The following NSMCE1 variants were observed in gnomAD, a reference collection of about 807,000 sequenced individuals.
The protein encoded by NSMCE1 is NSE1 component of SMC5/6 complex, also known as non-structural maintenance of chromosomes element 1 homolog.
Under a neutral mutation model 29.6 loss-of-function variants are expected in NSMCE1, and 18 were observed. The observed-to-expected ratio is 0.61, with a 90% CI of 0.42 to 0.90. NSMCE1 has a LOEUF of 0.90. NSMCE1 is among the 40% of genes least tolerant of loss of function. The pLI, the probability that NSMCE1 is intolerant of heterozygous loss-of-function variation, is 0.00. For synonymous variants in NSMCE1, 124 were observed against 133.4 expected (o/e 0.93, Z 0.49); for missense variants, 314 against 343.6 (o/e 0.91, Z 0.68).
chr16:27,235,490 C>T (rs7350846), intron 2 of NSMCE1, among the ~76,000 whole-genome samples, 191 bp from the exon 3 acceptor site: 2 of 152,158 alleles, frequency 1.3e-5, no homozygotes, highest in Non-Finnish European at 2.9e-5. Flanking sequence ...GGAAGACAAA[C>T]AGACAACAGA....
intron 3 of NSMCE1, 112 bp from the exon 4 acceptor site, chr16:27,234,377 G>T: frequency 1.3e-6 from 1 of 771,368 alleles, no homozygotes; most frequent in East Asian, 2.5e-5. Context: ...CTGAGCTCCT[G>T]TATCCAGGCA....
At chr16:27,230,008 C>T (rs1171129022) in intron 5 of NSMCE1, among the ~76,000 whole-genome samples, 2 of 152,222 alleles carry the variant, frequency 1.3e-5, no homozygotes, top group East Asian at 1.9e-4. Context: ...TCAAAGACGA[C>T]GACAGCCCAG....
chr16:27,257,626 AAG>A, intron 1 of NSMCE1, 45 bp from the exon 2 acceptor site: 1 of 1,518,324 alleles, frequency 6.6e-7, no homozygotes, highest in African/African-American at 1.4e-5. Context: ...AGCACATCAG[AAG>A]CAACGTCCTG....
In NSMCE1 at chr16:27,235,254, T is replaced by C; in HGVS notation, c.182A>G (p.Asn61Ser). The C allele has an allele frequency of 6.2e-7, 1 of 1,613,562 alleles. No individual in the cohort carries two copies. The highest frequency in any genetic ancestry group is 8.5e-7 in the Non-Finnish European group (1 of 1,179,582). ...DKLEDFINNINSVLESLYIEI... is the reference protein window; with the variant it reads ...DKLEDFINNISSVLESLYIEI... The stretch of plus-strand genomic sequence containing the variant: ...AATATACAAGGACTCCAAGACACTG[T>C]TAATGTTGTTGATGAAGTCCTCCAA... The change falls in exon 3 of 8, where the codon AAC (asparagine) becomes AGC (serine). Residue 61 changes from asparagine (N) to serine (S), a missense_variant. Coordinates refer to ENST00000361439, the MANE Select transcript of NSMCE1 (RefSeq NM_145080.4).
chr16:27,255,630 C>T (rs1187867338), intron 2 of NSMCE1, among the ~76,000 whole-genome samples: 1 of 152,214 alleles, frequency 6.6e-6, no homozygotes, highest in Non-Finnish European at 1.5e-5. Context: ...CTCTGGAGAA[C>T]GCAGATGCTA....
chr16:27,244,365 G>A lies in NSMCE1; in HGVS notation c.137-9066C>T, dbSNP rs527947896. Among the ~76,000 whole-genome samples, 5 of 152,356 alleles carry A rather than the reference G, an allele frequency of 3.3e-5. No individual in the cohort carries two copies. In the South Asian group the frequency reaches 1.0e-3, roughly 32 times the overall value. On this transcript the variant is annotated intron_variant, in intron 2 of 7. Transcript: ENST00000361439. ...CTTTCCCCACTCACTACAGTCTGAA[G>A]CAGACAACAGCCTCCAACATTCTCC...
intron 6 of NSMCE1, 26 bp from the exon 7 acceptor site, chr16:27,225,872 C>G: frequency 1.9e-6 from 3 of 1,612,560 alleles, no homozygotes; most frequent in South Asian, 2.2e-5. Context: ...CCAATGACGG[C>G]GGAGCTGGTG....
At chr16:27,253,003 G>C (rs2084050969) in intron 2 of NSMCE1, among the ~76,000 whole-genome samples, 1 of 152,168 alleles carries the variant, frequency 6.6e-6, no homozygotes. Flanking sequence ...CAGAGGCGTT[G>C]AGACGGTGGT....
chr16:27,225,382 G>A (rs2083677752), intron 7 of NSMCE1, 146 bp from the exon 8 acceptor site: 3 of 636,974 alleles, frequency 4.7e-6, no homozygotes, highest in South Asian at 1.9e-5. Context: ...CCCAGCCCGT[G>A]AGGAAGGCAG....
At chr16:27,265,230 C>CA (rs1257652579) in intron 1 of NSMCE1, among the ~76,000 whole-genome samples, 4 of 130,538 alleles carry the variant, frequency 3.1e-5, no homozygotes, top group African/African-American at 1.1e-4. Flanking sequence ...TGAAGTGACA[C>CA]AGTCATAGCT....
At chr16:27,245,876 G>C (rs1355948503) in intron 2 of NSMCE1, among the ~76,000 whole-genome samples, 1 of 152,190 alleles carries the variant, frequency 6.6e-6, no homozygotes, top group Non-Finnish European at 1.5e-5. Flanking sequence ...ACTAAAAACA[G>C]AAGGAAAATG....
intron 7 of NSMCE1, 140 bp downstream of exon 7, chr16:27,225,586 C>A: frequency 1.0e-6 from 1 of 993,946 alleles, no homozygotes. Flanking sequence ...GCAGTGGCTT[C>A]TTCTAGGATT....
At chr16:27,240,420 C>G (rs747998230) in intron 2 of NSMCE1, among the ~76,000 whole-genome samples, 1 of 152,142 alleles carries the variant, frequency 6.6e-6, no homozygotes, top group South Asian at 2.1e-4. Context: ...AGCCCAGCAT[C>G]CATCATCCCC....
chr16:27,256,901 T>C (rs560733757), intron 2 of NSMCE1, among the ~76,000 whole-genome samples: 1 of 152,244 alleles, frequency 6.6e-6, no homozygotes, highest in African/African-American at 2.4e-5. Flanking sequence ...AATAAAAAAA[T>C]AGAGAGGGTC....
In NSMCE1 at chr16:27,226,762, G is replaced by A. The variant is rs77130343; in HGVS notation, c.558C>T (p.Asp186=). ...GACAGATATTGCAGATCTTCACCGC[G>A]TCGGGGTACGTCTCCCGGATGTATT... ...MEQYIRETYP[D]AVKICNICHS... The change falls in exon 6 of 8, where the codon GAC becomes GAT. Residue 186 remains aspartate, a synonymous_variant. Coordinates refer to ENST00000361439, the MANE Select transcript of NSMCE1 (RefSeq NM_145080.4). The A allele has an allele frequency of 9.7e-5, 157 of 1,613,866 alleles. No individual in the cohort carries two copies. In the African/African-American group the frequency reaches 1.5e-3, roughly 16 times the overall value.
At chr16:27,254,864 T>G in intron 2 of NSMCE1, among the ~76,000 whole-genome samples, 3 of 121,890 alleles carry the variant, frequency 2.5e-5, no homozygotes, top group Admixed American at 8.8e-5. Context: ...AGTCCAACCA[T>G]GCTTTTTTTT....
intron 2 of NSMCE1, among the ~76,000 whole-genome samples, chr16:27,247,004 C>G (rs1596686145): frequency 6.6e-6 from 1 of 152,016 alleles, no homozygotes; most frequent in Non-Finnish European, 1.5e-5. Flanking sequence ...CCAGACAAAC[C>G]TAAGCTGAGG....
Position 27,257,496 on chromosome 16 carries a change from A to G in NSMCE1, c.75T>C (p.His25=). 6.2e-7 allele frequency: 1 copy of G among 1,614,070 alleles called. No homozygotes were observed. Among genetic ancestry groups the G allele is most frequent in the Non-Finnish European group, 8.5e-7 (1 of 1,179,990 alleles). ...HRRFLQLLMT[H]GVLEEWDVKR... Reference sequence around the variant, plus strand: ...TCACGTCCCATTCCTCTAGCACGCCATGGGTCATCAGCAACTGGAGGAAGC... The same window carrying G: ...TCACGTCCCATTCCTCTAGCACGCCGTGGGTCATCAGCAACTGGAGGAAGC... The change falls in exon 2 of 8, where the codon CAT becomes CAC. Residue 25 remains histidine (H), a synonymous_variant. Coordinates refer to ENST00000361439, the MANE Select transcript of NSMCE1 (RefSeq NM_145080.4).
chr16:27,267,668 G>A (rs2084241691), intron 1 of NSMCE1, among the ~76,000 whole-genome samples: 1 of 151,272 alleles, frequency 6.6e-6, no homozygotes, highest in Non-Finnish European at 1.5e-5. Context: ...GTTTAAGTTG[G>A]AAAACTTGAC....
Sources: gnomAD v4.1 joint callset for allele counts (sites outside exome capture counted in the v4.1 genomes callset) on GRCh38, gnomAD v4.1.1 for gene constraint, MANE v1.5 for transcripts, NCBI Gene and HGNC (gene_info 2026-07-23, HGNC 2026-07-21) for gene names.